PTPRD: variants seen among roughly 807,000 people sequenced by gnomAD.
PTPRD encodes receptor-type tyrosine-protein phosphatase delta.
A neutral mutation model predicts 214.5 loss-of-function variants in PTPRD; 34 were observed. The ratio of observed to expected loss-of-function variants is 0.16; its 90% CI spans 0.12 to 0.21. The LOEUF (loss-of-function observed/expected upper bound fraction) is 0.21, where lower values mean the gene tolerates loss of function less well. Ranked by LOEUF, PTPRD falls within the 10% of genes least tolerant of loss-of-function variation. The pLI, the probability that PTPRD is intolerant of heterozygous loss-of-function variation, is 1.00. For missense variants in PTPRD, 2,545 were observed against 2,398.7 expected, an observed-to-expected ratio of 1.06 and a Z score of -1.27; for synonymous variants, 1,128 against 845.7, an observed-to-expected ratio of 1.33 and a Z score of -5.79.
chr9:10,363,728 C>G (rs1420915314), intron 2 of PTPRD, among the ~76,000 whole-genome samples: 2 of 152,050 alleles, frequency 1.3e-5, no homozygotes, highest in Non-Finnish European at 2.9e-5. Flanking sequence ...AATAGATAAC[C>G]ATTGTCCAAA....
intron 3 of PTPRD, among the ~76,000 whole-genome samples, chr9:10,259,713 T>C (rs138741391): frequency 6.6e-6 from 1 of 152,374 alleles, no homozygotes; most frequent in East Asian, 1.9e-4. Flanking sequence ...CAAATACTCC[T>C]GTTTATTGAA....
intron 10 of PTPRD, among the ~76,000 whole-genome samples, chr9:9,108,782 T>C (rs1375202436): frequency 1.3e-5 from 2 of 152,156 alleles, no homozygotes; most frequent in East Asian, 1.9e-4. Context: ...GCCTAGTGCT[T>C]TCCTAGAGCA....
chr9:9,570,997 C>G (rs2086209258), intron 8 of PTPRD, among the ~76,000 whole-genome samples: 1 of 151,344 alleles, frequency 6.6e-6, no homozygotes, highest in African/African-American at 2.4e-5. Flanking sequence ...CTTTGCTGTT[C>G]TACTTCCATT....
chr9:9,832,404 C>A (rs897635446), intron 5 of PTPRD, among the ~76,000 whole-genome samples: 1 of 151,862 alleles, frequency 6.6e-6, no homozygotes, highest in Admixed American at 6.6e-5. Flanking sequence ...CATTAAAGTT[C>A]TATATAGCAG....
chr9:10,485,427 T>C (rs1359753861), intron 2 of PTPRD, among the ~76,000 whole-genome samples: 2 of 152,134 alleles, frequency 1.3e-5, no homozygotes, highest in Non-Finnish European at 2.9e-5. Context: ...AGGAATTGCA[T>C]TGAATCTGCA....
intron 7 of PTPRD, among the ~76,000 whole-genome samples, chr9:9,616,616 G>A (rs1424673022): frequency 6.6e-6 from 1 of 152,078 alleles, no homozygotes; most frequent in Non-Finnish European, 1.5e-5. Context: ...AGAGTTTTAA[G>A]AGACCCCAAA....
intron 7 of PTPRD, among the ~76,000 whole-genome samples, chr9:9,619,809 A>T (rs1487729270): frequency 6.8e-6 from 1 of 147,098 alleles, no homozygotes. Context: ...AAATACATTT[A>T]TATAAATATA....
In PTPRD at chr9:9,613,129, TACATAC is replaced by T. The variant is rs1284400104; in HGVS notation, c.-286-38354_-286-38349del. ...TATAATAGCTAGGCTGCAGTATACA[TACATAC>T]ATATATATATATATATATATATATA... On this transcript the variant is annotated intron_variant, in intron 7 of 45. Coordinates refer to ENST00000381196, the MANE Select transcript of PTPRD (RefSeq NM_002839.4). Among the ~76,000 whole-genome samples, 228 of 41,362 alleles carry T rather than the reference TACATAC, an allele frequency of 5.5e-3. 6 individuals carry two copies. The highest frequency in any genetic ancestry group is 0.013 in the African/African-American group (200 of 15,404). The allele number at this position is 41,362 out of a possible 152,430, so 27.1% of individuals were successfully genotyped here. A position where few individuals can be genotyped will look rare whatever the true frequency, so the allele number is the denominator to read the frequency against.
intron 11 of PTPRD, among the ~76,000 whole-genome samples, chr9:8,936,427 C>CAAAAAAA (rs1181403459): frequency 0.19 from 6,020 of 31,628 alleles, 1,050 homozygotes; most frequent in Middle Eastern, 0.3. Flanking sequence ...ACCCTGCCTC[C>CAAAAAAA]AAAAAAAAAA....
At chr9:8,726,324 C>G (rs529336349) in intron 12 of PTPRD, among the ~76,000 whole-genome samples, 3 of 151,270 alleles carry the variant, frequency 2.0e-5, no homozygotes, top group African/African-American at 7.3e-5. Context: ...TGTGGTGGCT[C>G]ACGACTATAA....
At chr9:8,529,360 C>T (rs970038763) in intron 14 of PTPRD, among the ~76,000 whole-genome samples, 1 of 151,980 alleles carries the variant, frequency 6.6e-6, no homozygotes, top group Non-Finnish European at 1.5e-5. Flanking sequence ...AAGGTTCAAC[C>T]CAAATCGATT....
intron 14 of PTPRD, among the ~76,000 whole-genome samples, chr9:8,592,963 C>T (rs780153867): frequency 6.6e-6 from 1 of 152,128 alleles, no homozygotes; most frequent in Non-Finnish European, 1.5e-5. Flanking sequence ...CAATTTCCAA[C>T]AGACATAAAT....
intron 39 of PTPRD, among the ~76,000 whole-genome samples, chr9:8,371,757 T>A (rs1295211398): frequency 6.6e-6 from 1 of 152,054 alleles, no homozygotes; most frequent in Admixed American, 6.6e-5. Context: ...GAAAATGCTA[T>A]TTAAGTTGGA....
intron 14 of PTPRD, among the ~76,000 whole-genome samples, chr9:8,612,945 T>G (rs1170569841): frequency 6.6e-6 from 1 of 152,198 alleles, no homozygotes; most frequent in Admixed American, 6.5e-5. Flanking sequence ...ACTACTACCG[T>G]GCCTTCAGAC....
At chr9:9,343,824 T>A (rs1369685753) in intron 9 of PTPRD, among the ~76,000 whole-genome samples, 1 of 152,066 alleles carries the variant, frequency 6.6e-6, no homozygotes, top group Non-Finnish European at 1.5e-5. Context: ...GGGGAGGATG[T>A]TTCTCTTTTC....
chr9:10,206,245 T>C (rs1386980905), intron 3 of PTPRD, among the ~76,000 whole-genome samples: 2 of 152,184 alleles, frequency 1.3e-5, no homozygotes, highest in East Asian at 3.8e-4. Flanking sequence ...GCTTAGTTTT[T>C]ATGAAAGCCA....
intron 3 of PTPRD, among the ~76,000 whole-genome samples, chr9:10,103,099 C>T (rs1050735565): frequency 4.0e-5 from 6 of 151,412 alleles, no homozygotes; most frequent in African/African-American, 1.5e-4. Context: ...CTGAGGGAGT[C>T]GGTCTATAGA....
intron 6 of PTPRD, among the ~76,000 whole-genome samples, chr9:9,753,467 G>T (rs968836029): frequency 2.6e-5 from 4 of 152,036 alleles, no homozygotes; most frequent in African/African-American, 9.7e-5. Flanking sequence ...AGCACGCAAG[G>T]CTAATGTGGG....
At chr9:9,276,597 G>A (rs951088114) in intron 9 of PTPRD, among the ~76,000 whole-genome samples, 1 of 151,384 alleles carries the variant, frequency 6.6e-6, no homozygotes, top group East Asian at 2.0e-4. Context: ...CTCCATGAGA[G>A]CACATGCTGG....
Sources: allele counts gnomAD v4.1 joint callset (sites outside exome capture counted in the v4.1 genomes callset), GRCh38; gene constraint gnomAD v4.1.1; transcripts MANE v1.5; gene names NCBI Gene and HGNC (gene_info 2026-07-23, HGNC 2026-07-21).